Variants in MTERF4 observed in about 807,000 individuals in gnomAD.
MTERF4 encodes the protein mitochondrial transcription termination factor 4.
In MTERF4, 17 loss-of-function variants were observed where a neutral mutation model predicts 22.5. The ratio of observed to expected loss-of-function variants is 0.75; its 90% CI spans 0.52 to 1.13. The LOEUF is 1.13. Ranked by LOEUF, MTERF4 falls within the 50% of genes most tolerant of loss-of-function variation. The probability of loss-of-function intolerance (pLI) is 0.00; values close to 1 mark genes in which losing one functional copy is unlikely to be tolerated. For synonymous variants in MTERF4, 165 were observed against 175.3 expected (o/e 0.94, Z 0.47); for missense variants, 420 against 466.8 (o/e 0.90, Z 0.92).
chr2:241,057,459 G>A, the MTERF4 span, among the ~76,000 whole-genome samples: 28 of 146,406 alleles, frequency 1.9e-4, no homozygotes, highest in Non-Finnish European at 3.4e-4. Flanking sequence ...AAGGCAAGAC[G>A]ATCATTTGAG....
the MTERF4 span, among the ~76,000 whole-genome samples, chr2:241,049,658 A>G: frequency 6.6e-6 from 1 of 152,296 alleles, no homozygotes; most frequent in East Asian, 1.9e-4. Flanking sequence ...CCTAGAGCCC[A>G]CTCTGAGGAA....
At chr2:241,056,324 C>T in the MTERF4 span, among the ~76,000 whole-genome samples, 7 of 151,994 alleles carry the variant, frequency 4.6e-5, no homozygotes, top group Admixed American at 3.3e-4. Flanking sequence ...TGGTGTTGCC[C>T]AGGTTGGTCT....
the MTERF4 span, chr2:241,065,630 C>A: frequency 1.2e-5 from 19 of 1,592,302 alleles, no homozygotes; most frequent in Non-Finnish European, 1.6e-5. Flanking sequence ...CCCTGCCCAG[C>A]CCCTGCCCCT....
downstream of MTERF4, chr2:241,071,499 A>T (rs1483545767): frequency 7.4e-6 from 11 of 1,491,944 alleles, no homozygotes; most frequent in Middle Eastern, 4.4e-4. Context: ...TGTGAGGGGC[A>T]CCACCCATGC....
intron 4 of MTERF4, among the ~76,000 whole-genome samples, chr2:241,078,911 C>T (rs908323297): frequency 1.4e-5 from 2 of 148,056 alleles, no homozygotes; most frequent in East Asian, 2.0e-4. Flanking sequence ...GTCAGGAGTT[C>T]GAGACCAGCC....
downstream of MTERF4, chr2:241,082,330 T>C (rs1188787633): frequency 6.2e-7 from 1 of 1,613,642 alleles, no homozygotes; most frequent in Admixed American, 1.7e-5. Flanking sequence ...GACAAAGGCC[T>C]TTCCAGTCTG....
At chr2:241,089,361 C>A (rs745333252), downstream of MTERF4, 2 of 1,550,378 alleles carry the variant, frequency 1.3e-6, no homozygotes, top group South Asian at 1.2e-5. Context: ...TGTTTTGTTA[C>A]GTGCCTAAAA....
chr2:241,080,969 G>C (rs2063299769), intron 4 of MTERF4, among the ~76,000 whole-genome samples: 1 of 152,242 alleles, frequency 6.6e-6, no homozygotes, highest in Non-Finnish European at 1.5e-5. Context: ...ACAGCCCTTG[G>C]ATCAGGGATC....
downstream of MTERF4, among the ~76,000 whole-genome samples, chr2:241,069,660 ACG>A (rs975311005): frequency 9.2e-5 from 14 of 152,028 alleles, no homozygotes; most frequent in African/African-American, 3.4e-4. The surrounding 1 kb of genome is among the most constrained non-coding windows in gnomAD (Gnocchi z 4.9). Context: ...GCGCCAGCTG[ACG>A]GGCCAGGGCC....
At chr2:241,049,799 T>G in the MTERF4 span, 1 of 1,600,080 alleles carries the variant, frequency 6.2e-7, no homozygotes, top group Non-Finnish European at 8.6e-7. Context: ...AGGACCACCC[T>G]CTGTCCCCCG....
the MTERF4 span, among the ~76,000 whole-genome samples, chr2:241,064,608 C>T: frequency 1.3e-5 from 2 of 152,212 alleles, no homozygotes; most frequent in African/African-American, 2.4e-5. This position sits in a 1 kb window ranked among gnomAD's most constrained non-coding sequence, Gnocchi z 7.0. Context: ...TCCAGTGTCT[C>T]CTCCCCTCAG....
intron 4 of MTERF4, chr2:241,081,805 C>G (rs897532706): frequency 6.4e-7 from 1 of 1,558,844 alleles, no homozygotes; most frequent in Non-Finnish European, 8.7e-7. Context: ...TAAGTCGGGG[C>G]TTGGCCTCAG....
chr2:241,056,986 A>C, the MTERF4 span, among the ~76,000 whole-genome samples: 1 of 152,228 alleles, frequency 6.6e-6, no homozygotes, highest in East Asian at 1.9e-4. Context: ...CAGAATGGGC[A>C]AAAGAATATT....
chr2:241,049,184 C>G, the MTERF4 span: 1 of 1,450,558 alleles, frequency 6.9e-7, no homozygotes, highest in Non-Finnish European at 9.5e-7. Flanking sequence ...CGGACAGAAG[C>G]CAGGGAGAAA....
chr2:241,076,797 A>G (rs1036313978), intron 4 of MTERF4, among the ~76,000 whole-genome samples: 3 of 151,922 alleles, frequency 2.0e-5, no homozygotes, highest in African/African-American at 7.3e-5. Context: ...GTGGAAAAGA[A>G]CTGAGAGTCC....
chr2:241,047,236 T>C, the MTERF4 span, among the ~76,000 whole-genome samples: 1 of 151,788 alleles, frequency 6.6e-6, no homozygotes, highest in Non-Finnish European at 1.5e-5. Flanking sequence ...AATTAAACTT[T>C]AGAATGGGGA....
chr2:241,049,023 A>G, the MTERF4 span: 1 of 1,611,068 alleles, frequency 6.2e-7, no homozygotes, highest in Non-Finnish European at 8.5e-7. Context: ...TCTCTCTAGA[A>G]ATCACAGCCA....
chr2:241,044,407 C>T, the MTERF4 span, among the ~76,000 whole-genome samples: 1 of 152,204 alleles, frequency 6.6e-6, no homozygotes, highest in Admixed American at 6.5e-5. Flanking sequence ...TGTCTCTCCC[C>T]CACTGAATAC....
At chr2:241,065,960 G>T in the MTERF4 span, among the ~76,000 whole-genome samples, 1 of 152,132 alleles carries the variant, frequency 6.6e-6, no homozygotes, top group African/African-American at 2.4e-5. Flanking sequence ...GGCTTGGGGG[G>T]GCTGGGACTC....
Sources: gnomAD v4.1 joint callset for allele counts (sites outside exome capture counted in the v4.1 genomes callset) on GRCh38, gnomAD v4.1.1 for gene constraint, Gnocchi (gnomAD v3.1) non-coding constraint, MANE v1.5 for transcripts, NCBI Gene and HGNC (gene_info 2026-07-23, HGNC 2026-07-21) for gene names.